TSHR: variants seen among roughly 807,000 people sequenced by gnomAD.
The protein encoded by TSHR is thyroid stimulating hormone receptor, also known as thyrotropin receptor.
In TSHR, 51 loss-of-function variants were observed where a neutral mutation model predicts 64.1. The ratio of observed to expected loss-of-function variants is 0.80; its 90% confidence interval spans 0.64 to 1.01. The LOEUF is 1.01. Among genes scored for constraint, TSHR ranks in the 50% least tolerant of loss-of-function variants. TSHR has a pLI of 0.00. For synonymous variants in TSHR, 361 were observed against 361.9 expected, an observed-to-expected ratio of 1.00 and a Z score of 0.03; for missense variants, 877 against 942.8, an observed-to-expected ratio of 0.93 and a Z score of 0.91.
intron 1 of TSHR, among the ~76,000 whole-genome samples, chr14:81,021,589 T>C (rs1030226184): frequency 1.8e-4 from 27 of 152,212 alleles, no homozygotes; most frequent in African/African-American, 6.3e-4. Context: ...TTATGTTACA[T>C]GGTAGGTTTG....
At chr14:81,035,548 A>C (rs1884579130) in intron 1 of TSHR, among the ~76,000 whole-genome samples, 1 of 152,186 alleles carries the variant, frequency 6.6e-6, no homozygotes, top group South Asian at 2.1e-4. Context: ...GTCCTCAAGG[A>C]TAGAACTTCC....
In TSHR at chr14:81,144,436, C is replaced by T; in HGVS notation, c.*83C>T. 7.2e-7 allele frequency: 1 copy of T among 1,379,868 alleles called. No homozygotes were observed. Among genetic ancestry groups the T allele is most frequent in the Non-Finnish European group, 1.0e-6 (1 of 980,564 alleles). 85.5% of individuals were successfully genotyped at this position (1,379,868 alleles called of 1,614,324 possible). A position where few individuals can be genotyped will look rare whatever the true frequency, so the allele number is the denominator to read the frequency against. On this transcript the variant is annotated 3_prime_UTR_variant, in exon 10 of 10. Coordinates refer to ENST00000298171, the MANE Select transcript of TSHR (RefSeq NM_000369.5). ...TATGCATTCCAATCCCATGACACCC[C>T]CAACACATAGCTGCCCTCACTCTTG... is the stretch of plus-strand genomic sequence containing the variant.
At chr14:81,019,020 A>G (rs900641029) in intron 1 of TSHR, among the ~76,000 whole-genome samples, 5 of 152,184 alleles carry the variant, frequency 3.3e-5, no homozygotes, top group Non-Finnish European at 7.3e-5. Flanking sequence ...TGAAAGGCAG[A>G]AGAAATGAAA....
chr14:81,015,334 G>A (rs1256343056), intron 1 of TSHR, among the ~76,000 whole-genome samples: 1 of 151,960 alleles, frequency 6.6e-6, no homozygotes, highest in Non-Finnish European at 1.5e-5. Context: ...ACAAAAGGAG[G>A]GGGAAAAGTA....
At chr14:81,129,555 C>T (rs1891152929) in intron 8 of TSHR, among the ~76,000 whole-genome samples, 1 of 152,160 alleles carries the variant, frequency 6.6e-6, no homozygotes, top group Admixed American at 6.5e-5. Flanking sequence ...GCACAGCAAT[C>T]ACATCCCACT....
intron 1 of TSHR, among the ~76,000 whole-genome samples, chr14:80,966,587 A>AT (rs1338910781): frequency 2.6e-5 from 4 of 152,190 alleles, no homozygotes; most frequent in Admixed American, 1.3e-4. Flanking sequence ...TAGCAAAAAA[A>AT]AAAATAAAAA....
chr14:80,967,371 C>A (rs1191529895), intron 1 of TSHR, among the ~76,000 whole-genome samples: 1 of 149,552 alleles, frequency 6.7e-6, no homozygotes, highest in Admixed American at 6.7e-5. Context: ...CTGCAACCTG[C>A]ACCTCCGGAT....
At chr14:80,980,130 T>G (rs1360002697) in intron 1 of TSHR, among the ~76,000 whole-genome samples, 1 of 152,232 alleles carries the variant, frequency 6.6e-6, no homozygotes, top group Non-Finnish European at 1.5e-5. Flanking sequence ...GAATTTTATT[T>G]CAGCCACTTC....
intron 1 of TSHR, chr14:80,983,312 C>A: frequency 8.9e-7 from 1 of 1,123,176 alleles, no homozygotes; most frequent in Non-Finnish European, 1.3e-6. Flanking sequence ...TTGTCCATCA[C>A]TACATTGTTG....
intron 8 of TSHR, among the ~76,000 whole-genome samples, chr14:81,135,812 C>T (rs548174409): frequency 6.6e-6 from 1 of 152,306 alleles, no homozygotes; most frequent in Non-Finnish European, 1.5e-5. Flanking sequence ...GGAGCTCCTA[C>T]CTTTCTGTCT....
At chr14:81,128,956 T>G (rs1891125081) in intron 8 of TSHR, among the ~76,000 whole-genome samples, 1 of 152,204 alleles carries the variant, frequency 6.6e-6, no homozygotes. Flanking sequence ...ATGGAGGATA[T>G]GCTCCGAGAC....
intron 3 of TSHR, chr14:81,087,745 A>G: frequency 1.6e-6 from 1 of 613,714 alleles, no homozygotes; most frequent in Admixed American, 2.5e-5. Context: ...ACAATGCAAA[A>G]GAGCTGAGCA....
At chr14:80,996,704 T>C (rs1889043009) in intron 1 of TSHR, among the ~76,000 whole-genome samples, 1 of 152,018 alleles carries the variant, frequency 6.6e-6, no homozygotes, top group Non-Finnish European at 1.5e-5. Flanking sequence ...CCTATAGTAG[T>C]GGGGGAGGGG....
At chr14:81,136,401 G>A (rs1439630007) in intron 8 of TSHR, among the ~76,000 whole-genome samples, 3 of 149,658 alleles carry the variant, frequency 2.0e-5, no homozygotes, top group East Asian at 2.1e-4. Context: ...TGGGACAATG[G>A]TCTTGAGGAA....
intron 1 of TSHR, among the ~76,000 whole-genome samples, chr14:81,004,703 G>C (rs971302243): frequency 1.3e-5 from 2 of 152,148 alleles, no homozygotes; most frequent in Non-Finnish European, 2.9e-5. Flanking sequence ...CAACCGCCAT[G>C]GTCATTGCTG....
intron 1 of TSHR, among the ~76,000 whole-genome samples, chr14:80,991,338 C>A (rs1040771726): frequency 5.3e-5 from 8 of 152,150 alleles, no homozygotes; most frequent in African/African-American, 1.9e-4. Flanking sequence ...AAAACTTGGA[C>A]ACCCTTCAAG....
intron 1 of TSHR, among the ~76,000 whole-genome samples, chr14:81,026,169 G>A (rs557429840): frequency 2.0e-5 from 3 of 152,290 alleles, no homozygotes; most frequent in East Asian, 1.9e-4. Flanking sequence ...ATCTTTATCC[G>A]CCATTGAATG....
chr14:81,054,638 G>A (rs1280688556), intron 1 of TSHR, among the ~76,000 whole-genome samples: 1 of 152,170 alleles, frequency 6.6e-6, no homozygotes, highest in Admixed American at 6.5e-5. Flanking sequence ...GAGCAAAGGT[G>A]ACTCTTGTTA....
chr14:81,139,536 A>G, intron 8 of TSHR, 143 bp from the exon 9 acceptor site: 1 of 871,550 alleles, frequency 1.1e-6, no homozygotes, highest in Admixed American at 2.0e-5. Context: ...TCCTTAGACC[A>G]GAAGCTCAGC....
Sources: gnomAD v4.1 joint callset for allele counts (sites outside exome capture counted in the v4.1 genomes callset) on GRCh38, gnomAD v4.1.1 for gene constraint, MANE v1.5 for transcripts, NCBI Gene and HGNC (gene_info 2026-07-23, HGNC 2026-07-21) for gene names.